Variants in HTR3A observed in about 807,000 individuals in gnomAD.
HTR3A encodes 5-hydroxytryptamine (serotonin) receptor 3A, ionotropic.
In HTR3A, 45 loss-of-function variants were observed where a neutral mutation model predicts 54.8. The ratio of observed to expected loss-of-function variants is 0.82; its 90% CI spans 0.65 to 1.05. The LOEUF (loss-of-function observed/expected upper bound fraction) is 1.05. Among genes scored for constraint, HTR3A ranks in the 50% least tolerant of loss-of-function variants. HTR3A has a pLI of 0.00. For synonymous variants in HTR3A, 297 were observed against 256.0 expected (o/e 1.16, Z -1.53); for missense variants, 657 against 614.0 (o/e 1.07, Z -0.74).
chr11:113,986,037 G>T lies in HTR3A; in HGVS notation c.567G>T (p.Leu189Phe), dbSNP rs72466467. 14 of 1,614,054 alleles carry T rather than the reference G, an allele frequency of 8.7e-6. No homozygotes were observed. The highest frequency in any genetic ancestry group is 1.2e-5 in the Non-Finnish European group (14 of 1,180,042). The change falls in exon 6 of 9, where the codon TTG (leucine) becomes TTT (phenylalanine). Residue 189 changes from leucine (L) to phenylalanine (F), a missense_variant. Transcript: ENST00000504030. The stretch of plus-strand genomic sequence containing the variant: ...CAGTCCAGGACATCAACATCTCTTT[G>T]TGGCGCTTGCCAGAAAAGGTGAAAT... ...LHTIQDINIS[L>F]WRLPEKVKSD... is the part of the protein sequence containing the mutation.
At position 113,990,147 on chromosome 11, in the gene HTR3A, T is replaced by C. The variant is rs1259526848; in HGVS notation, c.*384T>C. 8 of 464,452 alleles carry C rather than the reference T, an allele frequency of 1.7e-5. No individual in the cohort carries two copies. The highest frequency in any genetic ancestry group is 3.4e-5 in the Non-Finnish European group (8 of 234,244). The allele number at this position is 464,452 out of a possible 1,614,324, so 28.8% of individuals were successfully genotyped here. A position where few individuals can be genotyped will look rare whatever the true frequency, so the allele number is the denominator to read the frequency against. On this transcript the variant is annotated 3_prime_UTR_variant, in exon 9 of 9. Coordinates refer to ENST00000504030, the MANE Select transcript of HTR3A (RefSeq NM_000869.6). ...CTCTTTCACAACTTTGCTTTTAGGTTGAAGGCAAAACCAACTCTCTACTAC... is the reference window on the plus strand; with the variant it reads ...CTCTTTCACAACTTTGCTTTTAGGTCGAAGGCAAAACCAACTCTCTACTAC...
In HTR3A at chr11:113,986,190, A is replaced by T; in HGVS notation, c.705+15A>T. 6.2e-7 allele frequency: 1 copy of T among 1,614,058 alleles called. No individual in the cohort carries two copies. Among genetic ancestry groups the T allele is most frequent in the Non-Finnish European group, 8.5e-7 (1 of 1,179,920 alleles). ...TGAAGTTCTATGTGAGTGGGAGTGAATGTGGGTAAAATGGTGAATAAAGCT... is the reference window on the plus strand; with the variant it reads ...TGAAGTTCTATGTGAGTGGGAGTGATTGTGGGTAAAATGGTGAATAAAGCT... On this transcript the variant is annotated intron_variant, in intron 6 of 8. Coordinates refer to ENST00000504030, the MANE Select transcript of HTR3A (RefSeq NM_000869.6).
intron 5 of HTR3A, among the ~76,000 whole-genome samples, chr11:113,984,960 T>C (rs971785978): frequency 7.9e-5 from 12 of 151,946 alleles, no homozygotes; most frequent in African/African-American, 2.7e-4. Flanking sequence ...ACTTCTGTTC[T>C]GATGTATTCA....
chr11:113,980,748 G>C (rs1950411922), intron 3 of HTR3A, among the ~76,000 whole-genome samples: 1 of 152,244 alleles, frequency 6.6e-6, no homozygotes, highest in African/African-American at 2.4e-5. Flanking sequence ...AGGATTTTAA[G>C]CAAGGGAGTG....
chr11:113,976,905 G>A (rs1189538961), intron 1 of HTR3A, among the ~76,000 whole-genome samples: 2 of 151,726 alleles, frequency 1.3e-5, no homozygotes, highest in Admixed American at 1.3e-4. Flanking sequence ...CACCCTTCTG[G>A]AAGTGCTCCT....
chr11:113,988,717 T>C (rs1365473629), intron 8 of HTR3A, among the ~76,000 whole-genome samples: 1 of 152,030 alleles, frequency 6.6e-6, no homozygotes, highest in Admixed American at 6.6e-5. Flanking sequence ...TGAGCTGAGA[T>C]TGCACCACTG....
chr11:113,980,009 A>G (rs188549445), intron 3 of HTR3A, among the ~76,000 whole-genome samples: 6 of 152,264 alleles, frequency 3.9e-5, no homozygotes, highest in African/African-American at 1.2e-4. Context: ...TGGCACATCC[A>G]TCACCACCAC....
At chr11:113,978,020 G>A (rs1257221290) in intron 2 of HTR3A, 98 bp downstream of exon 2, 9 of 1,422,046 alleles carry the variant, frequency 6.3e-6, no homozygotes, top group Non-Finnish European at 8.9e-6. Context: ...TTAGGCATTT[G>A]AGAACCCATA....
chr11:113,987,918 C>T (rs546952817), intron 8 of HTR3A, among the ~76,000 whole-genome samples: 6 of 152,152 alleles, frequency 3.9e-5, no homozygotes, highest in South Asian at 2.1e-4. Flanking sequence ...TTGTGCCAGG[C>T]GTGTGCAAAG....
intron 4 of HTR3A, among the ~76,000 whole-genome samples, chr11:113,981,740 C>T (rs1353238267): frequency 1.3e-5 from 2 of 152,066 alleles, no homozygotes; most frequent in African/African-American, 2.4e-5. Context: ...GGTAGATCAC[C>T]AGAGGTCAGG....
chr11:113,976,571 T>TTGTGTGTGTG (rs34498899), intron 1 of HTR3A, among the ~76,000 whole-genome samples: 13 of 135,426 alleles, frequency 9.6e-5, no homozygotes, highest in African/African-American at 2.6e-4. Flanking sequence ...AAAAAATAGT[T>TTGTGTGTGTG]TGTGTGTGTG....
intron 2 of HTR3A, among the ~76,000 whole-genome samples, 183 bp downstream of exon 2, chr11:113,978,105 G>A (rs968116539): frequency 1.3e-5 from 2 of 152,128 alleles, no homozygotes; most frequent in South Asian, 4.1e-4. Flanking sequence ...CAGAAACCTG[G>A]GGTCACCTTG....
intron 8 of HTR3A, among the ~76,000 whole-genome samples, chr11:113,988,466 A>G (rs959420485): frequency 1.3e-5 from 2 of 152,162 alleles, no homozygotes; most frequent in Non-Finnish European, 2.9e-5. Flanking sequence ...CATTTTTTAT[A>G]TGGTTGGAAT....
intron 8 of HTR3A, among the ~76,000 whole-genome samples, chr11:113,988,484 T>A (rs1202687279): frequency 6.6e-6 from 1 of 152,180 alleles, no homozygotes; most frequent in Non-Finnish European, 1.5e-5. Flanking sequence ...AATAGTTGGC[T>A]GGGCACAGTG....
At position 113,981,269 on chromosome 11, in the gene HTR3A, C is replaced by A. The variant is rs1321772251; in HGVS notation, c.331C>A (p.Pro111Thr). The change falls in exon 4 of 9, where the codon CCC becomes ACC. Residue 111 changes from proline to threonine, a missense_variant. Transcript: ENST00000504030. ...TGACAACATCACCAAGTTGTCCATC[C>A]CCACGGACAGCATCTGGGTCCCGGA... The part of the protein sequence containing the change: ...DFDNITKLSI[P>T]TDSIWVPDIL... 6.2e-7 allele frequency: 1 copy of A among 1,613,642 alleles called. No homozygotes were observed. The highest frequency in any genetic ancestry group is 1.1e-5 in the South Asian group (1 of 91,076).
In HTR3A at chr11:113,983,394, T is replaced by C. The variant is rs1341336709; in HGVS notation, c.544+105T>C. The C allele has an allele frequency of 2.5e-6, 3 of 1,184,134 alleles. No individual in the cohort carries two copies. In the African/African-American group the frequency reaches 4.5e-5, roughly 18 times the overall value. The allele number at this position is 1,184,134 out of a possible 1,614,324, so 73.4% of individuals were successfully genotyped here. A position where few individuals can be genotyped will look rare whatever the true frequency, so the allele number is the denominator to read the frequency against. ...GCGCCTTCTCACGTATCCAGCCTAC[T>C]AATGCCCTGGGCCTCTGCTTCCTCA... On this transcript the variant is annotated intron_variant, in intron 5 of 8. Transcript: ENST00000504030.
Position 113,986,993 on chromosome 11 carries a change from C to A in HTR3A, c.1085C>A (p.Thr362Asn), listed in dbSNP as rs1950501935. 1 of 1,614,074 alleles carries A rather than the reference C, an allele frequency of 6.2e-7. No individual in the cohort carries two copies. Among genetic ancestry groups the A allele is most frequent in the Non-Finnish European group, 8.5e-7 (1 of 1,180,028 alleles). ...AWLLCLREQS[T>N]SQRPPATSQA... ...CTACTTTGCCTGAGGGAGCAGTCAA[C>A]TTCCCAGAGGCCCCCAGCCACCTCC... is the stretch of plus-strand genomic sequence containing the variant. The change falls in exon 8 of 9, where the codon ACT becomes AAT. Residue 362 changes from threonine to asparagine, a missense_variant. Coordinates refer to ENST00000504030, the MANE Select transcript of HTR3A (RefSeq NM_000869.6).
chr11:113,977,449 C>T lies in HTR3A; in HGVS notation c.68-322C>T, dbSNP rs1168669350. ...CTCCCCAGAGGCCCTCGCTTAGGCC[C>T]CGTGGGCCACCTGCTCCGACCTTCT... On this transcript the variant is annotated intron_variant, in intron 1 of 8. Coordinates refer to ENST00000504030, the MANE Select transcript of HTR3A (RefSeq NM_000869.6). The T allele has an allele frequency of 6.0e-6, 7 of 1,172,952 alleles. No individual in the cohort carries two copies. The African/African-American group carries it at 1.2e-4, about 20-fold the overall frequency. The allele number at this position is 1,172,952 out of a possible 1,614,324, so 72.7% of individuals were successfully genotyped here.
intron 1 of HTR3A, among the ~76,000 whole-genome samples, chr11:113,976,190 C>T (rs1006322609): frequency 2.0e-5 from 3 of 152,214 alleles, no homozygotes; most frequent in Non-Finnish European, 4.4e-5. Flanking sequence ...TCCTTCCTCC[C>T]GGGAGCGGTC....
Sources: allele counts gnomAD v4.1 joint callset (sites outside exome capture counted in the v4.1 genomes callset), GRCh38; gene constraint gnomAD v4.1.1; transcripts MANE v1.5; gene names NCBI Gene and HGNC (gene_info 2026-07-23, HGNC 2026-07-21).